Variants in COL13A1 observed in about 807,000 individuals in gnomAD.
COL13A1 encodes collagen alpha-1(XIII) chain.
A neutral mutation model predicts 130.9 loss-of-function variants in COL13A1; 89 were observed. The observed-to-expected ratio is 0.68, with a 90% CI of 0.57 to 0.81. The LOEUF is 0.81. Among genes scored for constraint, COL13A1 ranks in the 30% least tolerant of loss-of-function variants. The pLI, the probability that COL13A1 is intolerant of heterozygous loss-of-function variation, is 0.00. For synonymous variants in COL13A1, 402 were observed against 341.6 expected, an observed-to-expected ratio of 1.18 and a Z score of -1.95; for missense variants, 879 against 934.6, an observed-to-expected ratio of 0.94 and a Z score of 0.78.
At position 69,802,775 on chromosome 10, in the gene COL13A1, T is replaced by C. The variant is rs1040540562; in HGVS notation, c.294+58T>C. ...CCCCGCGGCGCCCCCTCGCGCAGCCTCCAGACTGTTCAGCCGGTGTCCGCG... is the reference window on the plus strand; with the variant it reads ...CCCCGCGGCGCCCCCTCGCGCAGCCCCCAGACTGTTCAGCCGGTGTCCGCG... On this transcript the variant is annotated intron_variant, in intron 1 of 40. Coordinates refer to ENST00000645393, the MANE Select transcript of COL13A1 (RefSeq NM_001368882.1). The C allele has an allele frequency of 4.4e-6, 7 of 1,593,946 alleles. No individual in the cohort carries two copies. The African/African-American group carries it at 8.2e-5, about 19-fold the overall frequency.
intron 6 of COL13A1, among the ~76,000 whole-genome samples, chr10:69,878,638 C>T (rs2059847903): frequency 6.6e-6 from 1 of 152,218 alleles, no homozygotes; most frequent in Admixed American, 6.5e-5. Flanking sequence ...TGTGCCACCA[C>T]ACCCAGCTAA....
At chr10:69,935,659 A>T in intron 32 of COL13A1, among the ~76,000 whole-genome samples, 1 of 152,104 alleles carries the variant, frequency 6.6e-6, no homozygotes, top group South Asian at 2.1e-4. Context: ...TCTGCCCAAC[A>T]TTTACCTCAC....
intron 35 of COL13A1, among the ~76,000 whole-genome samples, chr10:69,941,897 T>C (rs1342255505): frequency 6.6e-6 from 1 of 152,142 alleles, no homozygotes; most frequent in Non-Finnish European, 1.5e-5. Context: ...TCACGAGAGC[T>C]CTGTGCACCC....
intron 14 of COL13A1, among the ~76,000 whole-genome samples, chr10:69,899,563 TC>T (rs1414856962): frequency 1.2e-4 from 19 of 152,224 alleles, no homozygotes; most frequent in African/African-American, 4.3e-4. Context: ...TAGCATCTGA[TC>T]CCTCGTAACC....
intron 9 of COL13A1, 91 bp from the exon 10 acceptor site, chr10:69,889,323 G>C: frequency 1.1e-6 from 1 of 891,976 alleles, no homozygotes. Flanking sequence ...GCAGGGAGGA[G>C]CACAGGGGGC....
chr10:69,802,268 T>G lies in COL13A1; in HGVS notation c.-156T>G. 3 of 922,046 alleles carry G rather than the reference T, an allele frequency of 3.3e-6. No homozygotes were observed. The highest frequency in any genetic ancestry group is 4.4e-6 in the Non-Finnish European group (3 of 674,664). The allele number at this position is 922,046 out of a possible 1,614,324, so 57.1% of individuals were successfully genotyped here. A position where few individuals can be genotyped will look rare whatever the true frequency, so the allele number is the denominator to read the frequency against. ...CGGCACTTCCTCTCCTACTGCTAATTTTTCCGTCCTCTTTGCCGGGAGCAG... is the reference window on the plus strand; with the variant it reads ...CGGCACTTCCTCTCCTACTGCTAATGTTTCCGTCCTCTTTGCCGGGAGCAG... On this transcript the variant is annotated 5_prime_UTR_variant, in exon 1 of 41. In the 5' UTR this introduces an upstream ATG that the reference lacks. Coordinates refer to ENST00000645393, the MANE Select transcript of COL13A1 (RefSeq NM_001368882.1).
intron 1 of COL13A1, among the ~76,000 whole-genome samples, chr10:69,821,526 G>T (rs373353366): frequency 6.6e-6 from 1 of 152,282 alleles, no homozygotes; most frequent in South Asian, 2.1e-4. Flanking sequence ...TTCTAACTTC[G>T]CAGTAATCCA....
At chr10:69,950,099 G>A (rs563194750) in intron 38 of COL13A1, among the ~76,000 whole-genome samples, 1 of 150,688 alleles carries the variant, frequency 6.6e-6, no homozygotes, top group African/African-American at 2.4e-5. Flanking sequence ...TCTCCCCCCA[G>A]ATATGTTCAT....
At chr10:69,869,489 G>T (rs910890254) in intron 3 of COL13A1, among the ~76,000 whole-genome samples, 5 of 152,220 alleles carry the variant, frequency 3.3e-5, no homozygotes, top group Admixed American at 1.3e-4. Context: ...GATGCCGTCT[G>T]GGTGTATCCT....
intron 24 of COL13A1, 96 bp downstream of exon 24, chr10:69,923,951 C>A (rs1183880082): frequency 2.8e-5 from 41 of 1,484,658 alleles, no homozygotes; most frequent in Non-Finnish European, 3.1e-5. Context: ...CCTCAGGGCA[C>A]AAGGCTGACC....
chr10:69,817,118 G>A lies in COL13A1; in HGVS notation c.295-5251G>A, dbSNP rs185378246. On this transcript the variant is annotated intron_variant, in intron 1 of 40. Transcript: ENST00000645393. ...CCAAACTATGGCTGCTTTGGCCTGCGATGGAAGAGTGGAGTAGGTGTGGCA... is the reference window on the plus strand; with the variant it reads ...CCAAACTATGGCTGCTTTGGCCTGCAATGGAAGAGTGGAGTAGGTGTGGCA... 1.4e-3 allele frequency among the ~76,000 whole-genome samples: 217 copies of A among 152,266 alleles called. 1 individual carries two copies. Among genetic ancestry groups the A allele is most frequent in the African/African-American group, 4.9e-3 (203 of 41,538 alleles).
rs185474133 is a variant in COL13A1, at chr10:69,935,424, A to G, written c.1770+33A>G. The G allele has an allele frequency of 5.4e-3, 8,082 of 1,498,866 alleles. 33 individuals carry two copies. Among genetic ancestry groups the G allele is most frequent in the Non-Finnish European group, 6.8e-3 (7,552 of 1,111,530 alleles). 92.8% of individuals were successfully genotyped at this position (1,498,866 alleles called of 1,614,324 possible). On this transcript the variant is annotated intron_variant, in intron 32 of 40. Coordinates refer to ENST00000645393, the MANE Select transcript of COL13A1 (RefSeq NM_001368882.1). ...TGGAGGGCTTGTCAGTGGCCAGTCC[A>G]CTAATGTCCCCTCTCCACAGCAGTC...
intron 17 of COL13A1, among the ~76,000 whole-genome samples, chr10:69,916,376 G>A (rs59417084): frequency 1.3e-3 from 194 of 152,256 alleles, no homozygotes; most frequent in African/African-American, 4.5e-3. Context: ...ACACCATCCC[G>A]GGCCCCAGCT....
chr10:69,892,666 A>G (rs1243293706), intron 10 of COL13A1, among the ~76,000 whole-genome samples: 1 of 152,190 alleles, frequency 6.6e-6, no homozygotes, highest in Non-Finnish European at 1.5e-5. Context: ...GGCAAGTGCT[A>G]AGCACATCAC....
rs942576 is a variant in COL13A1 at position 69,903,027 on chromosome 10, G to T, written c.858+172G>T. On this transcript the variant is annotated intron_variant, in intron 15 of 40. Coordinates refer to ENST00000645393, the MANE Select transcript of COL13A1 (RefSeq NM_001368882.1). Reference sequence around the variant, plus strand: ...TTCATCCCCATCACACTCACCACCTGTTGCACTCTGGCTCTGAAACACAAC... The same window carrying T: ...TTCATCCCCATCACACTCACCACCTTTTGCACTCTGGCTCTGAAACACAAC... Among the ~76,000 whole-genome samples, 46,563 of 152,196 alleles carry T rather than the reference G, an allele frequency of 0.31. 8,994 individuals are homozygous for T. Among genetic ancestry groups the T allele is most frequent in the Middle Eastern group, 0.47 (138 of 292 alleles).
At position 69,838,818 on chromosome 10, in the gene COL13A1, T is replaced by G. The variant is rs912517096; in HGVS notation, c.364+16380T>G. On this transcript the variant is annotated intron_variant, in intron 2 of 40. Coordinates refer to ENST00000645393, the MANE Select transcript of COL13A1 (RefSeq NM_001368882.1). Reference sequence around the variant, plus strand: ...GAAATGGGGTGAGGCGTGGCTTCTGTGCACACTGTGTGGCCCTGAGTCTCT... The same window carrying G: ...GAAATGGGGTGAGGCGTGGCTTCTGGGCACACTGTGTGGCCCTGAGTCTCT... Among the ~76,000 whole-genome samples the G allele has an allele frequency of 7.9e-5, 12 of 152,370 alleles. 1 individual carries two copies. The highest frequency in any genetic ancestry group is 4.6e-4 in the Admixed American group (7 of 15,312).
intron 38 of COL13A1, among the ~76,000 whole-genome samples, chr10:69,951,975 G>A (rs1056268929): frequency 1.3e-5 from 2 of 152,202 alleles, no homozygotes; most frequent in Non-Finnish European, 2.9e-5. Flanking sequence ...CAGAAGTGAT[G>A]CTTCACTTTT....
At chr10:69,921,133 G>A (rs918937100) in intron 21 of COL13A1, among the ~76,000 whole-genome samples, 36 of 152,118 alleles carry the variant, frequency 2.4e-4, no homozygotes, top group African/African-American at 7.7e-4. Context: ...TTAGCAGGGC[G>A]GGCTCCATCT....
chr10:69,913,649 C>G (rs569448896), intron 17 of COL13A1, among the ~76,000 whole-genome samples: 5 of 152,136 alleles, frequency 3.3e-5, no homozygotes, highest in Non-Finnish European at 7.4e-5. Context: ...ACAGCGACGA[C>G]GCTGGAGTCC....
Sources: allele counts gnomAD v4.1 joint callset (sites outside exome capture counted in the v4.1 genomes callset), GRCh38; gene constraint gnomAD v4.1.1; transcripts MANE v1.5; gene names NCBI Gene and HGNC (gene_info 2026-07-23, HGNC 2026-07-21).